MORN5: variants seen among roughly 807,000 people sequenced by gnomAD.
MORN5 encodes the protein MORN repeat-containing protein 5.
MORN5 carries 21 observed loss-of-function variants against 22.1 expected under a neutral mutation model. The ratio of observed to expected loss-of-function variants is 0.95; its 90% confidence interval spans 0.67 to 1.37. The LOEUF (loss-of-function observed/expected upper bound fraction) is 1.37, where lower values mean the gene tolerates loss of function less well. MORN5 is among the 40% of genes most tolerant of loss of function. The probability of loss-of-function intolerance (pLI) is 0.00; values close to 1 mark genes in which losing one functional copy is unlikely to be tolerated. For synonymous variants in MORN5, 73 were observed against 74.0 expected, an observed-to-expected ratio of 0.99 and a Z score of 0.07; for missense variants, 211 against 215.1, an observed-to-expected ratio of 0.98 and a Z score of 0.12.
chr9:122,190,977 A>G (rs1829749336), intron 4 of MORN5, among the ~76,000 whole-genome samples: 1 of 152,230 alleles, frequency 6.6e-6, no homozygotes, highest in Non-Finnish European at 1.5e-5. Context: ...TGCACCCCCC[A>G]TCCCAGCCTG....
intron 4 of MORN5, among the ~76,000 whole-genome samples, chr9:122,179,255 C>T (rs1364007380): frequency 1.3e-5 from 2 of 152,066 alleles, no homozygotes; most frequent in Non-Finnish European, 2.9e-5. Context: ...GAGAGATGGG[C>T]GGGGTGAGGA....
chr9:122,160,790 C>T (rs536137708), intron 1 of MORN5, among the ~76,000 whole-genome samples: 6 of 152,006 alleles, frequency 3.9e-5, no homozygotes, highest in Non-Finnish European at 5.9e-5. Flanking sequence ...AATTTTTCAA[C>T]GCCTTTTGTA....
In MORN5 at chr9:122,198,710, A is replaced by G. The variant is rs374409201; in HGVS notation, c.440-1175A>G. Among the ~76,000 whole-genome samples the G allele has an allele frequency of 5.3e-5, 8 of 152,278 alleles. No individual in the cohort carries two copies. In the East Asian group the frequency reaches 5.8e-4, roughly 11 times the overall value. On this transcript the variant is annotated intron_variant, in intron 4 of 4. Transcript: ENST00000373764. ...TGTGGCCAAGAACGCTTGTCCCAGC[A>G]TTGTTCCTGGTAGTGGGAGTTGCAG... is the stretch of plus-strand genomic sequence containing the variant.
Position 122,159,972 on chromosome 9 carries a change from C to CATGGA in MORN5, c.1_5dup (p.Tyr3TrpfsTer13). ...ACAGCTGGAAGCTAAAAACAGGCGC[C>CATGGA]ATGGAGTACACAGGGAGCAAATATA... On this transcript the variant is annotated 5_prime_UTR_variant, in exon 1 of 5. The change creates a new upstream start codon in the 5' untranslated region. Transcript: ENST00000373764. 1.9e-6 allele frequency: 3 copies of CATGGA among 1,614,054 alleles called. No individual in the cohort carries two copies. The highest frequency in any genetic ancestry group is 2.5e-6 in the Non-Finnish European group (3 of 1,179,978).
intron 1 of MORN5, among the ~76,000 whole-genome samples, chr9:122,160,831 G>T (rs1390595182): frequency 2.6e-5 from 4 of 152,044 alleles, no homozygotes; most frequent in Non-Finnish European, 5.9e-5. Context: ...TGTCCAAGCT[G>T]GTCTCATACT....
intron 3 of MORN5, among the ~76,000 whole-genome samples, chr9:122,170,045 C>G (rs927092752): frequency 6.6e-6 from 1 of 152,156 alleles, no homozygotes. Context: ...TGCCTGTAAT[C>G]CCAGCACTTT....
intron 1 of MORN5, among the ~76,000 whole-genome samples, chr9:122,163,278 T>A (rs1240062159): frequency 6.6e-6 from 1 of 152,168 alleles, no homozygotes; most frequent in Non-Finnish European, 1.5e-5. Flanking sequence ...TTGAGATAGA[T>A]ATCATTATCC....
At chr9:122,184,830 C>A (rs1339319705) in intron 4 of MORN5, among the ~76,000 whole-genome samples, 1 of 152,192 alleles carries the variant, frequency 6.6e-6, no homozygotes, top group Non-Finnish European at 1.5e-5. Flanking sequence ...GAATTGGAAG[C>A]CAGGTCCAGC....
intron 4 of MORN5, among the ~76,000 whole-genome samples, chr9:122,176,206 A>G (rs988445232): frequency 1.4e-4 from 21 of 151,702 alleles, no homozygotes; most frequent in African/African-American, 4.8e-4. Context: ...AACCCACTGG[A>G]TGCTACTGGA....
chr9:122,198,656 G>A (rs1260931931), intron 4 of MORN5, among the ~76,000 whole-genome samples: 1 of 152,206 alleles, frequency 6.6e-6, no homozygotes, highest in Non-Finnish European at 1.5e-5. Flanking sequence ...CGTAACCCCA[G>A]AGACATTCTC....
At chr9:122,163,629 G>A (rs1392275287) in intron 1 of MORN5, among the ~76,000 whole-genome samples, 1 of 152,216 alleles carries the variant, frequency 6.6e-6, no homozygotes, top group African/African-American at 2.4e-5. Flanking sequence ...AGAGCTGGCA[G>A]TTCAGTTTGG....
chr9:122,193,131 A>G lies in MORN5; in HGVS notation c.440-6754A>G, dbSNP rs147846882. Among the ~76,000 whole-genome samples, 805 of 152,240 alleles carry G rather than the reference A, an allele frequency of 5.3e-3. 6 individuals carry two copies. The highest frequency in any genetic ancestry group is 0.016 in the African/African-American group (645 of 41,538). The stretch of plus-strand genomic sequence containing the variant: ...AGTATGAAGCCCAGCCCACACATTC[A>G]TGGGGCCTTTAAGTATGGATTGTGA... On this transcript the variant is annotated intron_variant, in intron 4 of 4. Transcript: ENST00000373764.
At position 122,167,389 on chromosome 9, in the gene MORN5, G is replaced by A. The variant is rs578156949; in HGVS notation, c.195+474G>A. 8.0e-5 allele frequency among the ~76,000 whole-genome samples: 8 copies of A among 99,752 alleles called. No individual in the cohort carries two copies. The East Asian group carries it at 2.0e-3, about 25-fold the overall frequency. The allele number at this position is 99,752 out of a possible 152,430, so 65.4% of individuals were successfully genotyped here. A position where few individuals can be genotyped will look rare whatever the true frequency, so the allele number is the denominator to read the frequency against. On this transcript the variant is annotated intron_variant, in intron 2 of 4. Coordinates refer to ENST00000373764, the MANE Select transcript of MORN5 (RefSeq NM_198469.4). Reference sequence around the variant, plus strand: ...TTTTTTTTTTTGAAAACGAGTCTCTGTCGCCCAGGCTGGAGTGCAGTGGTG... The same window carrying A: ...TTTTTTTTTTTGAAAACGAGTCTCTATCGCCCAGGCTGGAGTGCAGTGGTG...
In MORN5 at chr9:122,169,689, C is replaced by T. The variant is rs1829338705; in HGVS notation, c.240C>T (p.Asn80=). 6.2e-7 allele frequency: 1 copy of T among 1,614,148 alleles called. No homozygotes were observed. Among genetic ancestry groups the T allele is most frequent in the Non-Finnish European group, 8.5e-7 (1 of 1,180,010 alleles). ...ATGGGCTGCACTATGATGAGAAAAA[C>T]TGGCATTACTGCGACGGCTATGATC... ...FSDGLHYDEK[N]WHYCDGYDRR... The change falls in exon 3 of 5, where the codon AAC becomes AAT. Residue 80 remains asparagine, a synonymous_variant. Coordinates refer to ENST00000373764, the MANE Select transcript of MORN5 (RefSeq NM_198469.4).
At chr9:122,172,240 C>T (rs1829376537) in intron 3 of MORN5, among the ~76,000 whole-genome samples, 3 of 151,676 alleles carry the variant, frequency 2.0e-5, no homozygotes, top group East Asian at 3.9e-4. Context: ...GGATTACAGG[C>T]GTGAGCCACC....
intron 4 of MORN5, among the ~76,000 whole-genome samples, chr9:122,183,299 AGCTAGAGCCTC>A (rs1218971664): frequency 9.8e-5 from 15 of 152,302 alleles, no homozygotes; most frequent in East Asian, 3.9e-4. Context: ...AGGAAGGATA[AGCTAGAGCCTC>A]GCTGGCAGTT....
At chr9:122,193,071 G>A (rs1199812147) in intron 4 of MORN5, among the ~76,000 whole-genome samples, 3 of 152,102 alleles carry the variant, frequency 2.0e-5, no homozygotes, top group Non-Finnish European at 2.9e-5. Flanking sequence ...GCTAACATCC[G>A]GGCAGGGTCT....
Position 122,166,855 on chromosome 9 carries a change from C to A in MORN5, c.135C>A (p.Thr45=). 6.2e-7 allele frequency: 1 copy of A among 1,613,902 alleles called. No homozygotes were observed. Residue 45 remains threonine (T), a synonymous_variant, in exon 2 of 5, where the codon ACC becomes ACA. Coordinates refer to ENST00000373764, the MANE Select transcript of MORN5 (RefSeq NM_198469.4). ...ATGGCATGTTTCACGGCGAGGGAAC[C>A]CTGTACTTCCCCAGCGGAAGCCAAT... The part of the protein sequence containing the change: ...MKDGMFHGEG[T]LYFPSGSQYD...
At chr9:122,189,560 C>T (rs1420872823) in intron 4 of MORN5, among the ~76,000 whole-genome samples, 1 of 152,124 alleles carries the variant, frequency 6.6e-6, no homozygotes, top group African/African-American at 2.4e-5. Flanking sequence ...TCACACTGTG[C>T]ACTACAGCTT....
Sources: gnomAD v4.1 joint callset for allele counts (sites outside exome capture counted in the v4.1 genomes callset) on GRCh38, gnomAD v4.1.1 for gene constraint, MANE v1.5 for transcripts, NCBI Gene and HGNC (gene_info 2026-07-23, HGNC 2026-07-21) for gene names.